Variants in DNAH7 observed in about 807,000 individuals in gnomAD.
The protein encoded by DNAH7 is axonemal beta dynein heavy chain 7.
A neutral mutation model predicts 444.6 loss-of-function variants in DNAH7; 397 were observed. The ratio of observed to expected loss-of-function variants is 0.89; its 90% confidence interval spans 0.82 to 0.97. The LOEUF is 0.97. Among genes scored for constraint, DNAH7 ranks in the 50% least tolerant of loss-of-function variants. The pLI, the probability that DNAH7 is intolerant of heterozygous loss-of-function variation, is 0.00. For synonymous variants in DNAH7, 1,636 were observed against 1,624.4 expected, an observed-to-expected ratio of 1.01 and a Z score of -0.17; for missense variants, 4,902 against 4,800.8, an observed-to-expected ratio of 1.02 and a Z score of -0.62.
At chr2:195,925,856 T>C (rs1315044683) in intron 22 of DNAH7, among the ~76,000 whole-genome samples, 4 of 152,196 alleles carry the variant, frequency 2.6e-5, no homozygotes, top group African/African-American at 4.8e-5. Context: ...ACTGCTGCAA[T>C]GAATGTAATT....
chr2:196,010,461 T>G (rs1164516772), intron 10 of DNAH7, among the ~76,000 whole-genome samples: 1 of 152,148 alleles, frequency 6.6e-6, no homozygotes, highest in Non-Finnish European at 1.5e-5. Context: ...AGAGGAACTT[T>G]CATACACTGT....
intron 41 of DNAH7, among the ~76,000 whole-genome samples, chr2:195,862,801 C>T (rs184766073): frequency 7.2e-5 from 11 of 152,150 alleles, no homozygotes; most frequent in Admixed American, 3.9e-4. Flanking sequence ...TTTGGGAGGC[C>T]GAGGCGGGCA....
chr2:196,013,512 G>A (rs1201722889), intron 9 of DNAH7, among the ~76,000 whole-genome samples: 2 of 152,248 alleles, frequency 1.3e-5, no homozygotes, highest in Non-Finnish European at 1.5e-5. Flanking sequence ...AAAAATGAAA[G>A]AATAATATTA....
chr2:195,865,471 G>A (rs895965329), intron 40 of DNAH7, among the ~76,000 whole-genome samples: 9 of 152,074 alleles, frequency 5.9e-5, no homozygotes, highest in African/African-American at 2.2e-4. Flanking sequence ...TTTTGTTTTT[G>A]TTTTTCAAAA....
intron 15 of DNAH7, among the ~76,000 whole-genome samples, chr2:195,979,853 G>A (rs1692447052): frequency 6.6e-6 from 1 of 151,770 alleles, no homozygotes; most frequent in Non-Finnish European, 1.5e-5. Context: ...CAATAAATTG[G>A]AAAACCTAGA....
chr2:195,740,764 A>AC lies in DNAH7; in HGVS notation c.11868+1dup, dbSNP rs1237553135. 7.0e-7 allele frequency: 1 copy of AC among 1,418,694 alleles called. No individual in the cohort carries two copies. The highest frequency in any genetic ancestry group is 9.3e-7 in the Non-Finnish European group (1 of 1,076,756). The allele number at this position is 1,418,694 out of a possible 1,614,324, so 87.9% of individuals were successfully genotyped here. A position where few individuals can be genotyped will look rare whatever the true frequency, so the allele number is the denominator to read the frequency against. Reference sequence around the variant, plus strand: ...ATGTATATATAATTAGAATTTACTAACCACAGGCACTGTATCATAAAGAAT... The same window carrying AC: ...ATGTATATATAATTAGAATTTACTAACCCACAGGCACTGTATCATAAAGAAT... On this transcript the variant is annotated splice_donor_variant, in intron 64 of 64. Transcript: ENST00000312428. LOFTEE classifies it high-confidence loss of function.
chr2:195,798,897 A>G (rs1696308148), intron 55 of DNAH7, among the ~76,000 whole-genome samples: 2 of 152,088 alleles, frequency 1.3e-5, no homozygotes, highest in Admixed American at 6.5e-5. Flanking sequence ...TGTTCTGGAA[A>G]GTCAATGAAG....
intron 54 of DNAH7, among the ~76,000 whole-genome samples, chr2:195,805,671 A>T (rs1696674294): frequency 1.3e-5 from 2 of 152,192 alleles, no homozygotes; most frequent in Admixed American, 1.3e-4. Flanking sequence ...GTATAAAGAC[A>T]AATATACACA....
intron 8 of DNAH7, among the ~76,000 whole-genome samples, chr2:196,022,000 A>G (rs1187539514): frequency 6.6e-6 from 1 of 151,938 alleles, no homozygotes; most frequent in African/African-American, 2.4e-5. Flanking sequence ...GGTGGTGCAC[A>G]CCTGTAATCC....
chr2:195,846,949 ATGTGTGTGTGTGTGTGTGTG>A (rs35075325), intron 46 of DNAH7, among the ~76,000 whole-genome samples: 4 of 137,216 alleles, frequency 2.9e-5, no homozygotes, highest in South Asian at 4.7e-4. Context: ...ACTCCCATAT[ATGTGTGTGTGTGTGTGTGTG>A]TGTGTGTGTG....
chr2:195,916,628 T>C (rs867820419), intron 24 of DNAH7, among the ~76,000 whole-genome samples: 1 of 151,968 alleles, frequency 6.6e-6, no homozygotes, highest in African/African-American at 2.4e-5. Flanking sequence ...GAGGCCGAGG[T>C]GGGTGGATCA....
chr2:195,900,737 C>T lies in DNAH7; in HGVS notation c.4336-243G>A, dbSNP rs1159439894. The T allele has an allele frequency of 8.4e-6, 3 of 356,054 alleles. No homozygotes were observed. In the East Asian group the frequency reaches 1.5e-4, roughly 18 times the overall value. 22.1% of individuals were successfully genotyped at this position (356,054 alleles called of 1,614,324 possible). A position where few individuals can be genotyped will look rare whatever the true frequency, so the allele number is the denominator to read the frequency against. On this transcript the variant is annotated intron_variant, in intron 27 of 64. Coordinates refer to ENST00000312428, the MANE Select transcript of DNAH7 (RefSeq NM_018897.3). The stretch of plus-strand genomic sequence containing the variant: ...AAATAAATTCTAGTGTACTGTAGCA[C>T]TGTGGGGTGACTATAGTTAAAAATA...
chr2:196,057,837 T>C (rs1697902953), intron 2 of DNAH7, among the ~76,000 whole-genome samples: 1 of 152,204 alleles, frequency 6.6e-6, no homozygotes, highest in Non-Finnish European at 1.5e-5. Flanking sequence ...GACCCAACCA[T>C]CCTGTACATA....
At chr2:195,830,667 G>A (rs1440524896) in intron 48 of DNAH7, among the ~76,000 whole-genome samples, 1 of 152,188 alleles carries the variant, frequency 6.6e-6, no homozygotes, top group Admixed American at 6.5e-5. Flanking sequence ...TATTTGAGCT[G>A]TATCTTAAAG....
intron 58 of DNAH7, among the ~76,000 whole-genome samples, chr2:195,786,609 A>G (rs1695635025): frequency 6.6e-6 from 1 of 152,064 alleles, no homozygotes; most frequent in Non-Finnish European, 1.5e-5. Context: ...AAGCTCTGGA[A>G]TAATGGTATA....
intron 47 of DNAH7, among the ~76,000 whole-genome samples, chr2:195,843,898 C>G (rs1698828580): frequency 6.6e-6 from 1 of 152,090 alleles, no homozygotes; most frequent in African/African-American, 2.4e-5. Flanking sequence ...AGATCGAGAC[C>G]ATCCTGCCTA....
At chr2:196,020,488 G>A (rs1695309080) in intron 8 of DNAH7, among the ~76,000 whole-genome samples, 1 of 151,962 alleles carries the variant, frequency 6.6e-6, no homozygotes. Context: ...TATCACCTTT[G>A]CAATTATGAA....
chr2:196,058,937 A>T (rs1575121085), intron 1 of DNAH7, among the ~76,000 whole-genome samples: 1 of 152,334 alleles, frequency 6.6e-6, no homozygotes, highest in East Asian at 1.9e-4. Context: ...CTTACTACAA[A>T]ACTACAGTAA....
intron 1 of DNAH7, among the ~76,000 whole-genome samples, chr2:196,064,711 C>T (rs1176245433): frequency 6.6e-6 from 1 of 152,152 alleles, no homozygotes; most frequent in Non-Finnish European, 1.5e-5. Flanking sequence ...TATCCTTCTG[C>T]AACATGCTTT....
Sources: allele counts gnomAD v4.1 joint callset (sites outside exome capture counted in the v4.1 genomes callset), GRCh38; gene constraint gnomAD v4.1.1; transcripts MANE v1.5; gene names NCBI Gene and HGNC (gene_info 2026-07-23, HGNC 2026-07-21).